The following RPH3A variants were observed in gnomAD, a reference collection of about 807,000 sequenced individuals.
The protein encoded by RPH3A is rabphilin 3A, also known as rabphilin-3A.
A neutral mutation model predicts 102.2 loss-of-function variants in RPH3A; 48 were observed. The ratio of observed to expected loss-of-function variants is 0.47; its 90% CI spans 0.37 to 0.60. RPH3A has a LOEUF of 0.60. RPH3A is among the 20% of genes least tolerant of loss of function. The probability of loss-of-function intolerance (pLI) is 0.00; values close to 1 mark genes in which losing one functional copy is unlikely to be tolerated. For missense variants in RPH3A, 781 were observed against 910.1 expected, an observed-to-expected ratio of 0.86 and a Z score of 1.83; for synonymous variants, 310 against 324.3, an observed-to-expected ratio of 0.96 and a Z score of 0.47.
At chr12:112,691,082 T>G (rs1015212946) in intron 1 of RPH3A, among the ~76,000 whole-genome samples, 2 of 152,004 alleles carry the variant, frequency 1.3e-5, no homozygotes, top group Non-Finnish European at 2.9e-5. Context: ...TGGAGTGCAG[T>G]GGCGTGATCT....
intron 12 of RPH3A, 118 bp from the exon 13 acceptor site, chr12:112,876,524 T>G: frequency 1.4e-6 from 1 of 706,322 alleles, no homozygotes; most frequent in Non-Finnish European, 2.3e-6. Flanking sequence ...AAGGTCCCAC[T>G]GCATATCCAC....
chr12:112,733,593 C>T (rs1422155431), intron 1 of RPH3A, among the ~76,000 whole-genome samples: 1 of 152,124 alleles, frequency 6.6e-6, no homozygotes, highest in Admixed American at 6.5e-5. Context: ...CCTTAGTACC[C>T]CTGCCATGCC....
Position 112,792,172 on chromosome 12 carries a change from A to C in RPH3A, c.-110A>C, listed in dbSNP as rs1204695589. On this transcript the variant is annotated 5_prime_UTR_variant, in exon 2 of 22. Transcript: ENST00000389385. ...CTCCGCTGAGCTTTTAAACCAAGTC[A>C]TTGGGACTTAGCGTCTTTCTACCCG... 2 of 152,136 alleles carry C rather than the reference A, an allele frequency of 1.3e-5. No individual in the cohort carries two copies. Among genetic ancestry groups the C allele is most frequent in the Admixed American group, 1.3e-4 (2 of 15,282 alleles). The allele number at this position is 152,136 out of a possible 1,614,324, so 9.4% of individuals were successfully genotyped here. A position where few individuals can be genotyped will look rare whatever the true frequency, so the allele number is the denominator to read the frequency against.
At chr12:112,595,639 A>T (rs1301762810) in intron 1 of RPH3A, among the ~76,000 whole-genome samples, 1 of 152,010 alleles carries the variant, frequency 6.6e-6, no homozygotes, top group Non-Finnish European at 1.5e-5. Flanking sequence ...CCACAATAAA[A>T]ACCAAAGCCA....
chr12:112,842,611 G>A (rs943955477), intron 4 of RPH3A, among the ~76,000 whole-genome samples: 3 of 152,244 alleles, frequency 2.0e-5, no homozygotes, highest in Non-Finnish European at 4.4e-5. Flanking sequence ...TTAGGTTGAA[G>A]GGCTACTCTG....
At chr12:112,681,084 C>T (rs2040223222) in intron 1 of RPH3A, among the ~76,000 whole-genome samples, 4 of 152,178 alleles carry the variant, frequency 2.6e-5, no homozygotes, top group South Asian at 4.1e-4. Flanking sequence ...TGGCCCACTG[C>T]GTCCCTAACT....
chr12:112,745,602 G>T (rs1476119459), intron 1 of RPH3A, among the ~76,000 whole-genome samples: 1 of 152,162 alleles, frequency 6.6e-6, no homozygotes, highest in Non-Finnish European at 1.5e-5. Context: ...TTTTTGCCAG[G>T]TGAGCTATTG....
chr12:112,825,992 T>G (rs1565903168), intron 2 of RPH3A, among the ~76,000 whole-genome samples: 1 of 152,176 alleles, frequency 6.6e-6, no homozygotes, highest in Admixed American at 6.5e-5. Context: ...GGTCTGTCAC[T>G]CAGGTAAACG....
At chr12:112,881,978 A>C in intron 15 of RPH3A, 132 bp downstream of exon 15, 1 of 601,468 alleles carries the variant, frequency 1.7e-6, no homozygotes, top group Non-Finnish European at 2.9e-6. Flanking sequence ...TGTGAGTAGC[A>C]AAGCCATTGC....
intron 1 of RPH3A, among the ~76,000 whole-genome samples, chr12:112,701,727 T>C (rs1592951880): frequency 6.6e-6 from 1 of 152,210 alleles, no homozygotes; most frequent in South Asian, 2.1e-4. Context: ...TTCAAGGCCT[T>C]GAGACAAAGA....
At chr12:112,754,666 G>A (rs1392407810) in intron 1 of RPH3A, among the ~76,000 whole-genome samples, 1 of 152,074 alleles carries the variant, frequency 6.6e-6, no homozygotes, top group African/African-American at 2.4e-5. Flanking sequence ...ACAAAGAGAG[G>A]GAAGAATCTA....
chr12:112,859,328 C>T (rs1218019604), intron 5 of RPH3A, among the ~76,000 whole-genome samples: 1 of 152,146 alleles, frequency 6.6e-6, no homozygotes, highest in Non-Finnish European at 1.5e-5. Context: ...GATTCAAACC[C>T]GTGGCTTTTA....
At chr12:112,796,765 C>T (rs115678097) in intron 2 of RPH3A, among the ~76,000 whole-genome samples, 395 of 152,258 alleles carry the variant, frequency 2.6e-3, no homozygotes, top group African/African-American at 9.2e-3. Context: ...AAGACACAGT[C>T]CTGGCCCGGT....
chr12:112,876,811 A>C lies in RPH3A; in HGVS notation c.1116A>C (p.Pro372=). The change falls in exon 13 of 22, where the codon CCA becomes CCC. Residue 372 remains proline (P), a synonymous_variant. Transcript: ENST00000389385. ...CCCAGCCTGCTGCAGCCCGCCAGCC[A>C]CCACCCCCAGAGGAGGAGGAAGAGG... ...AAPQPAAARQ[P]PPPEEEEEEA... is the part of the protein sequence containing the mutation. 1 of 1,610,732 alleles carries C rather than the reference A, an allele frequency of 6.2e-7. No individual in the cohort carries two copies. Among genetic ancestry groups the C allele is most frequent in the Non-Finnish European group, 8.5e-7 (1 of 1,178,380 alleles).
At chr12:112,795,098 A>G (rs2041204587) in intron 2 of RPH3A, among the ~76,000 whole-genome samples, 1 of 152,088 alleles carries the variant, frequency 6.6e-6, no homozygotes, top group Non-Finnish European at 1.5e-5. Flanking sequence ...GAAGATGTGC[A>G]TTTGGTTGGG....
intron 2 of RPH3A, among the ~76,000 whole-genome samples, chr12:112,811,447 C>T (rs908509487): frequency 1.1e-4 from 17 of 152,104 alleles, no homozygotes; most frequent in Admixed American, 3.3e-4. Flanking sequence ...CTCAATAGCA[C>T]TATGCTTGAG....
In RPH3A at chr12:112,875,127, A is replaced by G; in HGVS notation, c.840A>G (p.Pro280=). The change falls in exon 11 of 22, where the codon CCA becomes CCG. Residue 280 remains proline, a synonymous_variant. Coordinates refer to ENST00000389385, the MANE Select transcript of RPH3A (RefSeq NM_001143854.2). The part of the protein sequence containing the change: ...ANSVQASRPA[P]GSVQSPAPPQ... ...CAGTCCAGGCCTCCAGACCTGCCCC[A>G]GGCTCGGTGCAGAGCCCAGCGCCAC... The G allele has an allele frequency of 6.2e-7, 1 of 1,610,110 alleles. No homozygotes were observed. The highest frequency in any genetic ancestry group is 8.5e-7 in the Non-Finnish European group (1 of 1,178,762).
chr12:112,597,273 T>C (rs748681545), intron 1 of RPH3A, among the ~76,000 whole-genome samples: 77 of 152,188 alleles, frequency 5.1e-4, no homozygotes, highest in Admixed American at 4.6e-4. Flanking sequence ...CAATGTATTA[T>C]TTGTGTAGTT....
At chr12:112,621,489 G>A (rs1268159216) in intron 1 of RPH3A, among the ~76,000 whole-genome samples, 11 of 147,556 alleles carry the variant, frequency 7.5e-5, no homozygotes, top group Non-Finnish European at 1.5e-4. Context: ...CGAATATTGC[G>A]CTTTTCAGAC....
Sources: allele counts gnomAD v4.1 joint callset (sites outside exome capture counted in the v4.1 genomes callset), GRCh38; gene constraint gnomAD v4.1.1; transcripts MANE v1.5; gene names NCBI Gene and HGNC (gene_info 2026-07-23, HGNC 2026-07-21).